GRID2: variants seen among roughly 807,000 people sequenced by gnomAD.
The protein encoded by GRID2 is glutamate ionotropic receptor delta type subunit 2, also known as glutamate receptor ionotropic, delta-2.
In GRID2, 33 loss-of-function variants were observed where a neutral mutation model predicts 114.8. That is an observed-to-expected ratio of 0.29 (90% CI 0.22 to 0.38). GRID2 has a LOEUF of 0.38. GRID2 is among the 10% of genes least tolerant of loss of function. The pLI is 1.00. For synonymous variants in GRID2, 505 were observed against 449.9 expected (o/e 1.12, Z -1.55); for missense variants, 1,184 against 1,257.7 (o/e 0.94, Z 0.89).
chr4:93,562,863 G>A (rs1457487618), intron 13 of GRID2, among the ~76,000 whole-genome samples: 1 of 151,906 alleles, frequency 6.6e-6, no homozygotes, highest in East Asian at 1.9e-4. Flanking sequence ...GTCTATATCT[G>A]GGCTCTCTAT....
intron 2 of GRID2, among the ~76,000 whole-genome samples, chr4:92,609,420 T>C (rs1004732540): frequency 4.6e-5 from 7 of 151,334 alleles, no homozygotes; most frequent in Admixed American, 2.7e-4. Context: ...CAATTCCAGA[T>C]TGAAGAGTTA....
At chr4:92,379,378 G>A (rs1729509093) in intron 1 of GRID2, among the ~76,000 whole-genome samples, 1 of 151,872 alleles carries the variant, frequency 6.6e-6, no homozygotes, top group African/African-American at 2.4e-5. Flanking sequence ...ATGGAGATAT[G>A]GAGAGTGCAT....
At chr4:93,160,387 G>T (rs1737581678) in intron 4 of GRID2, among the ~76,000 whole-genome samples, 1 of 151,754 alleles carries the variant, frequency 6.6e-6, no homozygotes, top group Non-Finnish European at 1.5e-5. Flanking sequence ...TTAAAAAAAA[G>T]TTTGTTTACT....
chr4:93,370,205 C>A (rs1303447146), intron 8 of GRID2, among the ~76,000 whole-genome samples: 1 of 152,014 alleles, frequency 6.6e-6, no homozygotes, highest in Non-Finnish European at 1.5e-5. Flanking sequence ...AAAACACAGA[C>A]TTTCTTGTGT....
intron 2 of GRID2, among the ~76,000 whole-genome samples, chr4:92,594,879 C>T (rs904610962): frequency 3.3e-5 from 5 of 151,792 alleles, no homozygotes; most frequent in Non-Finnish European, 7.4e-5. Context: ...ATTGTTAGCT[C>T]TTAGCTGAGA....
chr4:92,326,684 G>C (rs1726613994), intron 1 of GRID2, among the ~76,000 whole-genome samples: 1 of 151,802 alleles, frequency 6.6e-6, no homozygotes, highest in Admixed American at 6.6e-5. Context: ...CACTTTCTAG[G>C]CATTATCTCA....
At chr4:92,971,877 T>C (rs1753541960) in intron 2 of GRID2, among the ~76,000 whole-genome samples, 1 of 152,180 alleles carries the variant, frequency 6.6e-6, no homozygotes, top group South Asian at 2.1e-4. Flanking sequence ...GATTTCATTT[T>C]TTCAGGCAGA....
chr4:93,764,547 C>G (rs1733477093), intron 14 of GRID2, among the ~76,000 whole-genome samples: 2 of 152,144 alleles, frequency 1.3e-5, no homozygotes, highest in Non-Finnish European at 2.9e-5. Context: ...ATGCATCTTG[C>G]TCACTGAGAT....
intron 2 of GRID2, among the ~76,000 whole-genome samples, chr4:92,870,754 C>A (rs929327951): frequency 6.6e-6 from 1 of 151,944 alleles, no homozygotes; most frequent in Non-Finnish European, 1.5e-5. Context: ...AATAGCACTA[C>A]CAAGGGGCAG....
At chr4:93,024,140 T>C (rs1723659362) in intron 2 of GRID2, among the ~76,000 whole-genome samples, 1 of 151,868 alleles carries the variant, frequency 6.6e-6, no homozygotes, top group African/African-American at 2.4e-5. Flanking sequence ...ACCTGGCATT[T>C]ATTTTTGTAA....
At chr4:93,508,957 G>C (rs1234534941) in intron 12 of GRID2, among the ~76,000 whole-genome samples, 1 of 152,156 alleles carries the variant, frequency 6.6e-6, no homozygotes, top group Admixed American at 6.5e-5. Context: ...CAGGAATGAA[G>C]AAACAGTGTT....
intron 2 of GRID2, among the ~76,000 whole-genome samples, chr4:92,850,365 G>A (rs1446011941): frequency 1.3e-5 from 2 of 151,610 alleles, no homozygotes; most frequent in African/African-American, 4.8e-5. Context: ...TTTATTCATT[G>A]TAAAACTTTT....
rs991576904 is a variant in GRID2, at chr4:92,483,914, T to C, written c.89-106217T>C. 3.9e-5 allele frequency among the ~76,000 whole-genome samples: 6 copies of C among 152,248 alleles called. No homozygotes were observed. The East Asian group carries it at 1.2e-3, about 29-fold the overall frequency. On this transcript the variant is annotated intron_variant, in intron 1 of 15. Transcript: ENST00000282020. ...TACATTTTTGAAGAATTTTAAGAAATGGAAATATTGCATATGAGAACGCAC... is the reference window on the plus strand; with the variant it reads ...TACATTTTTGAAGAATTTTAAGAAACGGAAATATTGCATATGAGAACGCAC...
chr4:93,401,336 A>G (rs962844462), intron 9 of GRID2, among the ~76,000 whole-genome samples: 1 of 152,132 alleles, frequency 6.6e-6, no homozygotes, highest in African/African-American at 2.4e-5. Context: ...TTTATAAATT[A>G]AAAAACATAG....
At chr4:93,650,700 G>A (rs1028000083) in intron 14 of GRID2, among the ~76,000 whole-genome samples, 14 of 152,158 alleles carry the variant, frequency 9.2e-5, no homozygotes, top group Non-Finnish European at 1.3e-4. Flanking sequence ...AGAATGCTAC[G>A]TCCTAGTTTA....
At chr4:92,744,722 G>A (rs1410051426) in intron 2 of GRID2, among the ~76,000 whole-genome samples, 2 of 151,898 alleles carry the variant, frequency 1.3e-5, no homozygotes, top group East Asian at 3.9e-4. Context: ...GAGGCTCAAG[G>A]CAAATGCTCC....
chr4:93,697,880 T>TATATA (rs1208336606), intron 14 of GRID2, among the ~76,000 whole-genome samples: 2 of 147,780 alleles, frequency 1.4e-5, no homozygotes, highest in Non-Finnish European at 3.0e-5. Context: ...TATATATATA[T>TATATA]TTCAAAACAA....
intron 8 of GRID2, among the ~76,000 whole-genome samples, chr4:93,387,112 T>G (rs1764391808): frequency 6.6e-6 from 1 of 152,146 alleles, no homozygotes; most frequent in Non-Finnish European, 1.5e-5. Flanking sequence ...GGAGCTGGAT[T>G]CCTTGAGAGG....
intron 2 of GRID2, among the ~76,000 whole-genome samples, chr4:92,913,182 A>G (rs1748514298): frequency 6.6e-6 from 1 of 151,874 alleles, no homozygotes; most frequent in African/African-American, 2.4e-5. Context: ...GTTTTTCATG[A>G]TAAAAGTTTT....
Sources: allele counts gnomAD v4.1 joint callset (sites outside exome capture counted in the v4.1 genomes callset), GRCh38; gene constraint gnomAD v4.1.1; transcripts MANE v1.5; gene names NCBI Gene and HGNC (gene_info 2026-07-23, HGNC 2026-07-21).